Variants in RNF149 observed in about 807,000 individuals in gnomAD.
The protein encoded by RNF149 is ring finger protein 149.
A neutral mutation model predicts 39.0 loss-of-function variants in RNF149; 21 were observed. The observed-to-expected ratio is 0.54, with a 90% CI of 0.38 to 0.77. RNF149 has a LOEUF of 0.77. Among genes scored for constraint, RNF149 ranks in the 30% least tolerant of loss-of-function variants. The probability of loss-of-function intolerance (pLI) is 0.00; values close to 1 mark genes in which losing one functional copy is unlikely to be tolerated. For missense variants in RNF149, 493 were observed against 534.9 expected (o/e 0.92, Z 0.77); for synonymous variants, 209 against 213.6 (o/e 0.98, Z 0.19).
At position 101,308,578 on chromosome 2, in the gene RNF149, C is replaced by A. The variant is rs1220505155; in HGVS notation, c.11G>T (p.Arg4Leu). Residue 4 changes from arginine (R) to leucine (L), a missense_variant, in exon 1 of 7, where the codon CGG (arginine) becomes CTG (leucine). Transcript: ENST00000295317. ...AGCCCCGACGCTGGCTTCGCGCCGC[C>A]GCCACGCCATGGCAGCACCGCTGAG... is the stretch of plus-strand genomic sequence containing the variant. Reference protein sequence around the residue: MAWRRREASVGARG... With the variant: MAWLRREASVGARG... 6.4e-7 allele frequency: 1 copy of A among 1,556,516 alleles called. No homozygotes were observed. Among genetic ancestry groups the A allele is most frequent in the East Asian group, 2.3e-5 (1 of 42,824 alleles).
intron 5 of RNF149, among the ~76,000 whole-genome samples, chr2:101,285,221 A>G (rs1682751914): frequency 6.6e-6 from 1 of 152,170 alleles, no homozygotes; most frequent in Admixed American, 6.5e-5. Flanking sequence ...CTTTTAAATG[A>G]GAATATGTTG....
chr2:101,285,972 G>A (rs1465148775), intron 5 of RNF149, 109 bp downstream of exon 5: 1 of 630,192 alleles, frequency 1.6e-6, no homozygotes, highest in South Asian at 2.2e-5. Flanking sequence ...AGAACTACAA[G>A]GATATTAGGA....
intron 6 of RNF149, among the ~76,000 whole-genome samples, chr2:101,281,002 C>G (rs981624634): frequency 6.6e-5 from 10 of 152,082 alleles, no homozygotes; most frequent in Middle Eastern, 3.2e-3. Context: ...TCACTACACT[C>G]CAGCCAGGGT....
downstream of RNF149, chr2:101,273,352 T>C (rs1485424251): frequency 2.1e-6 from 1 of 471,086 alleles, no homozygotes; most frequent in Non-Finnish European, 4.4e-6. Flanking sequence ...CTATAATGGT[T>C]AGGAGGAAGG....
intron 5 of RNF149, among the ~76,000 whole-genome samples, chr2:101,283,883 G>C (rs376010671): frequency 6.6e-6 from 1 of 152,112 alleles, no homozygotes; most frequent in African/African-American, 2.4e-5. Flanking sequence ...GAAATGAAAA[G>C]CAAGTTTAAA....
intron 3 of RNF149, among the ~76,000 whole-genome samples, chr2:101,293,031 TAC>T (rs1294827315): frequency 6.7e-6 from 1 of 148,948 alleles, no homozygotes; most frequent in African/African-American, 2.5e-5. Flanking sequence ...AAGAAAATAA[TAC>T]CTTGCACAAA....
chr2:101,277,691 C>T (rs1304064893), intron 6 of RNF149, among the ~76,000 whole-genome samples: 1 of 152,142 alleles, frequency 6.6e-6, no homozygotes, highest in Non-Finnish European at 1.5e-5. Context: ...GCCCGGCTAA[C>T]AGAAAATTTT....
chr2:101,302,958 C>T (rs1342278537), intron 1 of RNF149, among the ~76,000 whole-genome samples: 1 of 144,796 alleles, frequency 6.9e-6, no homozygotes, highest in East Asian at 2.1e-4. Context: ...CCAGCCTGGG[C>T]AACAGACTGA....
Position 101,288,953 on chromosome 2 carries a change from A to T in RNF149, c.863+20T>A, listed in dbSNP as rs374868835. On this transcript the variant is annotated intron_variant, in intron 4 of 6. Transcript: ENST00000295317. ...CTTGTCAAGTAATTTTTAACATCTCAATATGTAAAAAGAACATACTTGCAT... is the reference window on the plus strand; with the variant it reads ...CTTGTCAAGTAATTTTTAACATCTCTATATGTAAAAAGAACATACTTGCAT... 3.0e-5 allele frequency: 37 copies of T among 1,246,924 alleles called. No homozygotes were observed. The highest frequency in any genetic ancestry group is 3.4e-5 in the Non-Finnish European group (29 of 860,744). 77.2% of individuals were successfully genotyped at this position (1,246,924 alleles called of 1,614,324 possible).
At position 101,276,858 on chromosome 2, in the gene RNF149, T is replaced by C. The variant is rs2104382898; in HGVS notation, c.*380A>G. On this transcript the variant is annotated 3_prime_UTR_variant, in exon 7 of 7. Coordinates refer to ENST00000295317, the MANE Select transcript of RNF149 (RefSeq NM_173647.4). ...TTGAATTATACAATTCCACTTCAAC[T>C]AGTCTAACATTGATGTGCTTTGCCA... The C allele has an allele frequency of 8.0e-6, 8 of 1,004,852 alleles. No individual in the cohort carries two copies. The highest frequency in any genetic ancestry group is 5.2e-4 in the Middle Eastern group (1 of 1,940). The allele number at this position is 1,004,852 out of a possible 1,614,324, so 62.2% of individuals were successfully genotyped here.
downstream of RNF149, chr2:101,272,941 G>A: frequency 7.4e-7 from 1 of 1,351,994 alleles, no homozygotes; most frequent in Non-Finnish European, 9.8e-7. Flanking sequence ...CTGCTACTGA[G>A]GTCAGACTAG....
In RNF149 at chr2:101,285,591, CTG is replaced by C. The variant is rs200944245; in HGVS notation, c.960+488_960+489del. ...GCCCCCGTGTCTTCTGTGTAAGGCC[CTG>C]TGACCATCGGTGATGAACCAAAGTC... is the stretch of plus-strand genomic sequence containing the variant. On this transcript the variant is annotated intron_variant, in intron 5 of 6. Coordinates refer to ENST00000295317, the MANE Select transcript of RNF149 (RefSeq NM_173647.4). Among the ~76,000 whole-genome samples the C allele has an allele frequency of 6.6e-3, 1,004 of 152,306 alleles. 8 individuals carry two copies. The highest frequency in any genetic ancestry group is 0.023 in the African/African-American group (938 of 41,572).
At chr2:101,289,397 T>C (rs1165620126) in intron 3 of RNF149, among the ~76,000 whole-genome samples, 1 of 152,048 alleles carries the variant, frequency 6.6e-6, no homozygotes, top group Non-Finnish European at 1.5e-5. Flanking sequence ...GTTTTATTTA[T>C]TTATTTATTT....
chr2:101,307,730 C>A (rs909069201), intron 1 of RNF149: 17 of 750,088 alleles, frequency 2.3e-5, no homozygotes, highest in Non-Finnish European at 2.8e-5. Context: ...AAGGGACAAC[C>A]GATCGTGGGG....
chr2:101,273,092 A>T (rs758073834), downstream of RNF149: 3 of 1,363,204 alleles, frequency 2.2e-6, no homozygotes, highest in South Asian at 2.3e-5. Flanking sequence ...TGTGTTCAGG[A>T]TCCCTAAAAA....
At chr2:101,282,496 T>A (rs1045800040) in intron 5 of RNF149, among the ~76,000 whole-genome samples, 2 of 152,146 alleles carry the variant, frequency 1.3e-5, no homozygotes, top group African/African-American at 4.8e-5. Context: ...TTGAAAAAGT[T>A]ACTCTGGCTC....
intron 1 of RNF149, among the ~76,000 whole-genome samples, chr2:101,301,946 C>G (rs934356892): frequency 1.3e-5 from 2 of 152,170 alleles, no homozygotes; most frequent in African/African-American, 4.8e-5. Flanking sequence ...ATTTAGGCAG[C>G]AAGAAATCAT....
rs1278659118 is a variant in RNF149 at position 101,276,399 on chromosome 2, TCAA to T, written c.*836_*838del. 55 of 985,730 alleles carry T rather than the reference TCAA, an allele frequency of 5.6e-5. 1 individual carries two copies. The highest frequency in any genetic ancestry group is 6.4e-5 in the Non-Finnish European group (53 of 829,928). The allele number at this position is 985,730 out of a possible 1,614,324, so 61.1% of individuals were successfully genotyped here. On this transcript the variant is annotated 3_prime_UTR_variant, in exon 7 of 7. Transcript: ENST00000295317. ...AATCAAGAAAACTGGTTATTTCGAG[TCAA>T]CAACAAAAACTAAAATTCTACATCT...
At chr2:101,306,311 T>C (rs17190412) in intron 1 of RNF149, among the ~76,000 whole-genome samples, 73,356 of 152,074 alleles carry the variant, frequency 0.48, 19,375 homozygotes, top group African/African-American at 0.71. Flanking sequence ...ACACTAACCT[T>C]TTTTCTTTGA....
Sources: allele counts gnomAD v4.1 joint callset (sites outside exome capture counted in the v4.1 genomes callset), GRCh38; gene constraint gnomAD v4.1.1; transcripts MANE v1.5; gene names NCBI Gene and HGNC (gene_info 2026-07-23, HGNC 2026-07-21).